The following ARFIP1 variants were observed in gnomAD, a reference collection of about 807,000 sequenced individuals.
ARFIP1 encodes the protein ARF interacting protein 1, also known as arfaptin-1.
In ARFIP1, 24 loss-of-function variants were observed where a neutral mutation model predicts 42.5. That is an observed-to-expected ratio of 0.57 (90% CI 0.41 to 0.80). ARFIP1 has a LOEUF of 0.80. Among genes scored for constraint, ARFIP1 ranks in the 30% least tolerant of loss-of-function variants. The pLI, the probability that ARFIP1 is intolerant of heterozygous loss-of-function variation, is 0.00. For missense variants in ARFIP1, 354 were observed against 434.0 expected, an observed-to-expected ratio of 0.82 and a Z score of 1.64; for synonymous variants, 141 against 153.7, an observed-to-expected ratio of 0.92 and a Z score of 0.61.
At chr4:152,821,476 C>T (rs1278297958) in intron 1 of ARFIP1, among the ~76,000 whole-genome samples, 2 of 151,904 alleles carry the variant, frequency 1.3e-5, no homozygotes, top group Non-Finnish European at 2.9e-5. Flanking sequence ...TGAACAAAGT[C>T]ATCCGGAAAT....
intron 8 of ARFIP1, among the ~76,000 whole-genome samples, chr4:152,900,067 G>A (rs1363558906): frequency 6.6e-6 from 1 of 151,850 alleles, no homozygotes; most frequent in Non-Finnish European, 1.5e-5. Flanking sequence ...AGATAACCTT[G>A]GAAAACAGAA....
At chr4:152,887,128 T>G (rs961590831) in intron 7 of ARFIP1, among the ~76,000 whole-genome samples, 9 of 151,984 alleles carry the variant, frequency 5.9e-5, no homozygotes, top group East Asian at 1.9e-4. Context: ...TCACTTTGCT[T>G]CTTCTTTGCT....
At chr4:152,860,144 C>T (rs1733771396) in intron 2 of ARFIP1, among the ~76,000 whole-genome samples, 2 of 151,864 alleles carry the variant, frequency 1.3e-5, no homozygotes, top group East Asian at 3.9e-4. Flanking sequence ...CTTGAAGTAC[C>T]AGATGTTGTA....
At chr4:152,872,431 T>C (rs375795822) in intron 4 of ARFIP1, 21 bp from the exon 5 acceptor site, 1 of 1,497,826 alleles carries the variant, frequency 6.7e-7, no homozygotes, top group African/African-American at 1.4e-5. Context: ...GATTGTGTTT[T>C]TATCTTTTGT....
At chr4:152,904,551 C>T (rs868613679) in intron 8 of ARFIP1, among the ~76,000 whole-genome samples, 3 of 152,042 alleles carry the variant, frequency 2.0e-5, no homozygotes, top group African/African-American at 7.2e-5. Flanking sequence ...CTCCCTCCTC[C>T]GGCAACCCCC....
At chr4:152,799,437 G>C (rs1181068237) in intron 1 of ARFIP1, among the ~76,000 whole-genome samples, 1 of 152,196 alleles carries the variant, frequency 6.6e-6, no homozygotes, top group Non-Finnish European at 1.5e-5. Context: ...CACAGTACTA[G>C]GCACAGTGTT....
chr4:152,893,227 A>G (rs957856789), intron 8 of ARFIP1, among the ~76,000 whole-genome samples: 3 of 152,214 alleles, frequency 2.0e-5, no homozygotes, highest in African/African-American at 4.8e-5. Flanking sequence ...AGGAGAAGGA[A>G]GTGAATGAAA....
chr4:152,889,910 AAT>A (rs1353213008), intron 8 of ARFIP1, among the ~76,000 whole-genome samples: 10 of 137,070 alleles, frequency 7.3e-5, no homozygotes, highest in Admixed American at 4.0e-4. Context: ...TATATATACT[AAT>A]ATATAGTGTA....
At chr4:152,809,717 A>G (rs975915215) in intron 1 of ARFIP1, 8 of 152,230 alleles carry the variant, frequency 5.3e-5, no homozygotes, top group African/African-American at 1.7e-4. Context: ...TGGTTGTACA[A>G]TATACTAGCT....
At chr4:152,882,665 T>G (rs1176891941) in intron 6 of ARFIP1, 58 bp from the exon 7 acceptor site, 1 of 1,524,398 alleles carries the variant, frequency 6.6e-7, no homozygotes, top group Non-Finnish European at 9.0e-7. Flanking sequence ...GCTTGAGATT[T>G]TTAAGTCACT....
At chr4:152,812,403 G>A (rs1300362354) in intron 1 of ARFIP1, among the ~76,000 whole-genome samples, 2 of 152,188 alleles carry the variant, frequency 1.3e-5, no homozygotes, top group East Asian at 1.9e-4. Context: ...ATGTTGCCCA[G>A]GCTGGTCTCA....
At chr4:152,894,207 CAAA>C (rs767223798) in intron 8 of ARFIP1, among the ~76,000 whole-genome samples, 3 of 82,966 alleles carry the variant, frequency 3.6e-5, no homozygotes, top group Non-Finnish European at 5.0e-5. Flanking sequence ...GACTCTGTCT[CAAA>C]AAAAAAAAAA....
intron 5 of ARFIP1, among the ~76,000 whole-genome samples, chr4:152,877,283 A>G (rs1463173132): frequency 6.6e-6 from 1 of 152,122 alleles, no homozygotes; most frequent in African/African-American, 2.4e-5. Flanking sequence ...GCCCAAGACC[A>G]TGGGAACCCA....
At chr4:152,814,454 A>T (rs1384032418) in intron 1 of ARFIP1, among the ~76,000 whole-genome samples, 2 of 152,150 alleles carry the variant, frequency 1.3e-5, no homozygotes, top group Non-Finnish European at 2.9e-5. Context: ...TCATGCCTGT[A>T]ATCTCAGCAC....
chr4:152,792,204 A>G (rs745720815), intron 1 of ARFIP1, among the ~76,000 whole-genome samples: 21 of 152,198 alleles, frequency 1.4e-4, no homozygotes, highest in Non-Finnish European at 2.5e-4. Context: ...TTGACTCACC[A>G]GTCAGAAGTT....
At chr4:152,882,999 T>C in intron 7 of ARFIP1, 119 bp downstream of exon 7, 1 of 1,078,670 alleles carries the variant, frequency 9.3e-7, no homozygotes, top group South Asian at 1.5e-5. Flanking sequence ...AAAAATGTAC[T>C]GGAAAGTTAT....
chr4:152,848,778 A>AAT (rs1732759763), intron 2 of ARFIP1, among the ~76,000 whole-genome samples: 1 of 152,232 alleles, frequency 6.6e-6, no homozygotes, highest in Non-Finnish European at 1.5e-5. Context: ...AATTCTAGTA[A>AAT]ATAGACTTAA....
intron 8 of ARFIP1, among the ~76,000 whole-genome samples, chr4:152,900,715 A>G (rs941080942): frequency 6.6e-6 from 1 of 152,188 alleles, no homozygotes; most frequent in Non-Finnish European, 1.5e-5. Flanking sequence ...CTTTCTGGGA[A>G]AAGTTCAGTG....
intron 1 of ARFIP1, chr4:152,796,684 T>G (rs1413297675): frequency 6.8e-6 from 6 of 886,536 alleles, no homozygotes; most frequent in Non-Finnish European, 1.1e-5. Flanking sequence ...ATGGCGCTGT[T>G]TATGATTAAG....
Sources: allele counts gnomAD v4.1 joint callset (sites outside exome capture counted in the v4.1 genomes callset), GRCh38; gene constraint gnomAD v4.1.1; transcripts MANE v1.5; gene names NCBI Gene and HGNC (gene_info 2026-07-23, HGNC 2026-07-21).